SPECC1L: variants seen among roughly 807,000 people sequenced by gnomAD.
The protein encoded by SPECC1L is sperm antigen with calponin homology and coiled-coil domains 1 like.
In SPECC1L, 40 loss-of-function variants were observed where a neutral mutation model predicts 116.8. The observed-to-expected ratio is 0.34, with a 90% CI of 0.27 to 0.45. The LOEUF (loss-of-function observed/expected upper bound fraction) is 0.45. Among genes scored for constraint, SPECC1L ranks in the 20% least tolerant of loss-of-function variants. The pLI is 1.00. For missense variants in SPECC1L, 1,110 were observed against 1,373.6 expected (o/e 0.81, Z 3.03); for synonymous variants, 504 against 500.6 (o/e 1.01, Z -0.09).
chr22:24,331,684 T>A (rs933090004), intron 8 of SPECC1L, among the ~76,000 whole-genome samples: 9 of 152,200 alleles, frequency 5.9e-5, no homozygotes, highest in Non-Finnish European at 1.5e-5. Context: ...TCATACTGTC[T>A]TCATAATACC....
chr22:24,302,155 C>T (rs1232611289), intron 2 of SPECC1L, 40 bp from the exon 3 acceptor site: 1 of 1,457,580 alleles, frequency 6.9e-7, no homozygotes. Flanking sequence ...GCGCTTCCTT[C>T]CAGTTATGTT....
At chr22:24,337,612 A>G (rs916281124) in intron 9 of SPECC1L, among the ~76,000 whole-genome samples, 3 of 152,376 alleles carry the variant, frequency 2.0e-5, no homozygotes, top group African/African-American at 7.2e-5. Flanking sequence ...GAATACATCT[A>G]AAGATATCAA....
chr22:24,370,894 G>A (rs1285786209), intron 14 of SPECC1L, among the ~76,000 whole-genome samples: 1 of 151,146 alleles, frequency 6.6e-6, no homozygotes, highest in African/African-American at 2.4e-5. Context: ...GAGACAAAAA[G>A]TAGAATGATG....
chr22:24,400,520 G>T (rs2042452863), intron 14 of SPECC1L, among the ~76,000 whole-genome samples: 1 of 152,176 alleles, frequency 6.6e-6, no homozygotes, highest in Admixed American at 6.5e-5. Context: ...GAATAGTGCT[G>T]CTGGGAACGT....
At chr22:24,373,375 T>C (rs2146663708) in intron 14 of SPECC1L, among the ~76,000 whole-genome samples, 1 of 152,270 alleles carries the variant, frequency 6.6e-6, no homozygotes, top group South Asian at 2.1e-4. Flanking sequence ...CTTCAAACTA[T>C]ACTACAAGGC....
chr22:24,285,683 G>T (rs946034830), intron 2 of SPECC1L, among the ~76,000 whole-genome samples: 1 of 151,462 alleles, frequency 6.6e-6, no homozygotes, highest in Non-Finnish European at 1.5e-5. Flanking sequence ...TTGCTCTGTC[G>T]CCCAGGCTGG....
intron 8 of SPECC1L, 49 bp from the exon 9 acceptor site, chr22:24,334,361 A>G: frequency 1.3e-6 from 2 of 1,593,214 alleles, no homozygotes; most frequent in Non-Finnish European, 8.6e-7. Context: ...GAAAATGTGT[A>G]TGTTCTAGTA....
intron 14 of SPECC1L, among the ~76,000 whole-genome samples, chr22:24,384,381 A>T (rs1299770759): frequency 6.6e-6 from 1 of 152,240 alleles, no homozygotes; most frequent in Non-Finnish European, 1.5e-5. Context: ...AAATAATCCC[A>T]TAGGGAAACA....
chr22:24,341,528 C>T (rs1235123566), intron 10 of SPECC1L, among the ~76,000 whole-genome samples: 6 of 152,164 alleles, frequency 3.9e-5, no homozygotes, highest in Middle Eastern at 6.8e-3. Context: ...CTAGATCTGC[C>T]GTAAAAGATC....
chr22:24,346,248 C>T (rs1039703827), intron 10 of SPECC1L, among the ~76,000 whole-genome samples: 3 of 152,044 alleles, frequency 2.0e-5, no homozygotes, highest in South Asian at 2.1e-4. Context: ...GATCATGATC[C>T]GCCCACCTCA....
chr22:24,277,961 A>G (rs900318897), intron 2 of SPECC1L, among the ~76,000 whole-genome samples: 7 of 152,228 alleles, frequency 4.6e-5, no homozygotes, highest in African/African-American at 1.7e-4. Context: ...AGAAACTGCT[A>G]TAATGTTCTC....
At chr22:24,287,594 A>G (rs1008621510) in intron 2 of SPECC1L, among the ~76,000 whole-genome samples, 1 of 152,162 alleles carries the variant, frequency 6.6e-6, no homozygotes, top group African/African-American at 2.4e-5. Flanking sequence ...AAGGCCCCCT[A>G]TAGTCCCAGG....
At chr22:24,278,461 C>G (rs1301167703) in intron 2 of SPECC1L, among the ~76,000 whole-genome samples, 4 of 152,086 alleles carry the variant, frequency 2.6e-5, no homozygotes, top group African/African-American at 9.7e-5. Context: ...TGGTACCACT[C>G]TAACTCATTG....
intron 2 of SPECC1L, among the ~76,000 whole-genome samples, chr22:24,299,769 G>A (rs932645246): frequency 1.3e-5 from 2 of 151,696 alleles, no homozygotes; most frequent in African/African-American, 4.8e-5. Context: ...TATTTAAAGT[G>A]TAAAACTTAG....
At chr22:24,393,851 A>C (rs2042317533) in intron 14 of SPECC1L, among the ~76,000 whole-genome samples, 1 of 151,758 alleles carries the variant, frequency 6.6e-6, no homozygotes, top group Admixed American at 6.6e-5. Flanking sequence ...TCTCCCCCAC[A>C]TTTCCCATCC....
chr22:24,307,724 A>T lies in SPECC1L; in HGVS notation c.153+5340A>T, dbSNP rs565045787. 2.5e-4 allele frequency among the ~76,000 whole-genome samples: 38 copies of T among 151,952 alleles called. 1 individual carries two copies. The South Asian group carries it at 6.4e-3, about 26-fold the overall frequency. On this transcript the variant is annotated intron_variant, in intron 3 of 16. Transcript: ENST00000314328. Reference sequence around the variant, plus strand: ...TATTTTTTTCTTTTTCTTTTTGTAGAAACAAGGTCTCACTATGTTGCCCAG... The same window carrying T: ...TATTTTTTTCTTTTTCTTTTTGTAGTAACAAGGTCTCACTATGTTGCCCAG...
intron 10 of SPECC1L, among the ~76,000 whole-genome samples, chr22:24,340,336 C>T (rs945879860): frequency 1.3e-5 from 2 of 151,586 alleles, no homozygotes; most frequent in Admixed American, 1.3e-4. Flanking sequence ...TTAGTAGAGA[C>T]GGTTTTAACC....
intron 3 of SPECC1L, among the ~76,000 whole-genome samples, chr22:24,303,882 T>TGTGTG (rs1368105720): frequency 7.0e-6 from 1 of 142,140 alleles, no homozygotes; most frequent in African/African-American, 2.5e-5. Context: ...TGTGTGTGTG[T>TGTGTG]GTGTAGCAGG....
At chr22:24,347,442 A>G (rs775293391) in intron 11 of SPECC1L, among the ~76,000 whole-genome samples, 1 of 152,180 alleles carries the variant, frequency 6.6e-6, no homozygotes, top group Non-Finnish European at 1.5e-5. Flanking sequence ...TCCTCATGGC[A>G]TATGTATTAT....
Sources: allele counts gnomAD v4.1 joint callset (sites outside exome capture counted in the v4.1 genomes callset), GRCh38; gene constraint gnomAD v4.1.1; transcripts MANE v1.5; gene names NCBI Gene and HGNC (gene_info 2026-07-23, HGNC 2026-07-21).